Variants in FSIP2 observed in about 807,000 individuals in gnomAD.
The protein encoded by FSIP2 is fibrous sheath-interacting protein 2.
FSIP2 carries 367 observed loss-of-function variants against 510.5 expected under a neutral mutation model. That is an observed-to-expected ratio of 0.72 (90% confidence interval 0.66 to 0.78). The LOEUF is 0.78. Ranked by LOEUF, FSIP2 falls within the 30% of genes least tolerant of loss-of-function variation. FSIP2 has a pLI of 0.00. For synonymous variants in FSIP2, 2,601 were observed against 2,732.2 expected (o/e 0.95, Z 1.50); for missense variants, 7,594 against 7,901.7 (o/e 0.96, Z 1.48).
In FSIP2 at chr2:185,789,514, G is replaced by A. The variant is rs1255432424; in HGVS notation, c.2378G>A (p.Ser793Asn). 6.5e-7 allele frequency: 1 copy of A among 1,534,660 alleles called. No homozygotes were observed. Among genetic ancestry groups the A allele is most frequent in the Non-Finnish European group, 8.7e-7 (1 of 1,145,878 alleles). ...GACATTAAACCAAGTTTAGCAGCCA[G>A]TGATGAACTTCTCACATCATCTAAT... ...SVDIKPSLAASDELLTSSNGK... is the reference protein window; with the variant it reads ...SVDIKPSLAANDELLTSSNGK... The change falls in exon 16 of 23, where the codon AGT becomes AAT. Residue 793 changes from serine (S) to asparagine (N), a missense_variant. Ser to Asn is a conservative substitution (Grantham distance 46). Transcript: ENST00000424728.
intron 13 of FSIP2, among the ~76,000 whole-genome samples, chr2:185,768,729 G>A (rs1295545746): frequency 1.3e-5 from 2 of 151,852 alleles, no homozygotes; most frequent in Admixed American, 1.3e-4. Context: ...TCATCACTCT[G>A]GTACTAAGCC....
chr2:185,761,194 G>C, intron 10 of FSIP2, 91 bp downstream of exon 10: 1 of 464,896 alleles, frequency 2.2e-6, no homozygotes, highest in Non-Finnish European at 3.7e-6. Context: ...CAGCAGCATA[G>C]TACTGATTGT....
chr2:185,743,783 CTAAT>C (rs1293665443), intron 3 of FSIP2, among the ~76,000 whole-genome samples: 3 of 152,092 alleles, frequency 2.0e-5, no homozygotes, highest in African/African-American at 7.2e-5. Context: ...ACTGTGATAA[CTAAT>C]TGTGTGCACT....
rs1304781776 is a variant in FSIP2, at chr2:185,790,111, T to C, written c.2975T>C (p.Ile992Thr). ...SPRSGRPFPP[I>T]NVPGMVLYSD... ...AGGTCTGGAAGACCATTTCCACCTATAAATGTTCCAGGCATGGTTCTTTAT... is the reference window on the plus strand; with the variant it reads ...AGGTCTGGAAGACCATTTCCACCTACAAATGTTCCAGGCATGGTTCTTTAT... The change falls in exon 16 of 23, where the codon ATA becomes ACA. Residue 992 changes from isoleucine (I) to threonine (T), a missense_variant. Transcript: ENST00000424728. 10 of 1,533,790 alleles carry C rather than the reference T, an allele frequency of 6.5e-6. No individual in the cohort carries two copies. The highest frequency in any genetic ancestry group is 8.7e-6 in the Non-Finnish European group (10 of 1,145,410).
Position 185,800,456 on chromosome 2 carries a change from T to G in FSIP2, c.11150T>G (p.Met3717Arg), listed in dbSNP as rs1211746294. The G allele has an allele frequency of 6.5e-7, 1 of 1,532,132 alleles. No homozygotes were observed. The highest frequency in any genetic ancestry group is 8.7e-7 in the Non-Finnish European group (1 of 1,144,518). The allele number at this position is 1,532,132 out of a possible 1,614,324, so 94.9% of individuals were successfully genotyped here. ...FSPDECLDTGMDSGKIQRTYF... is the reference protein window; with the variant it reads ...FSPDECLDTGRDSGKIQRTYF... ...CCAGATGAATGCCTAGATACGGGTA[T>G]GGATTCTGGTAAAATACAAAGAACA... The change falls in exon 17 of 23, where the codon ATG (methionine) becomes AGG (arginine). Residue 3717 changes from methionine (M) to arginine (R), a missense_variant. By Grantham distance (91) the Met-to-Arg change is moderately conservative (BLOSUM62 -1). Transcript: ENST00000424728.
In FSIP2 at chr2:185,791,955, A is replaced by G; in HGVS notation, c.4819A>G (p.Ile1607Val). Residue 1607 changes from isoleucine (I) to valine (V), a missense_variant, in exon 16 of 23, where the codon ATT (isoleucine) becomes GTT (valine). Physicochemically the swap from Ile to Val is conservative, Grantham distance 29. Coordinates refer to ENST00000424728, the MANE Select transcript of FSIP2 (RefSeq NM_173651.4). ...CGGACATTTAGAAATTTTGGGTGCT[A>G]TTAATGATGGAAATAAGAAAAGCAA... ...ANGHLEILGA[I>V]NDGNKKSNKI... The G allele has an allele frequency of 6.5e-7, 1 of 1,533,816 alleles. No individual in the cohort carries two copies. The highest frequency in any genetic ancestry group is 8.7e-7 in the Non-Finnish European group (1 of 1,145,266).
Position 185,795,266 on chromosome 2 carries a change from C to T in FSIP2, c.8130C>T (p.Ala2710=), listed in dbSNP as rs1227839166. 1 of 1,535,130 alleles carries T rather than the reference C, an allele frequency of 6.5e-7. No homozygotes were observed. Among genetic ancestry groups the T allele is most frequent in the East Asian group, 2.4e-5 (1 of 40,854 alleles). Residue 2710 remains alanine, a synonymous_variant, in exon 16 of 23, where the codon GCC becomes GCT. Transcript: ENST00000424728. The part of the protein sequence containing the change: ...KTLKDSRSKT[A]IGLSHIMSAG... ...TAAAAGACAGCAGATCCAAGACTGC[C>T]ATTGGGTTGTCACACATCATGTCAG...
In FSIP2 at chr2:185,745,528, A is replaced by C. The variant is rs1405326797; in HGVS notation, c.577A>C (p.Thr193Pro). The change falls in exon 5 of 23, where the codon ACT becomes CCT. Residue 193 changes from threonine (T) to proline (P), a missense_variant. Physicochemically the swap from Thr to Pro is conservative, Grantham distance 38 (BLOSUM62 -1). Transcript: ENST00000424728. Reference sequence around the variant, plus strand: ...CCAAAACTGGTTGTTAAAGGAGGGCACTGAATCTATTAAGGACCAGGAGCG... The same window carrying C: ...CCAAAACTGGTTGTTAAAGGAGGGCCCTGAATCTATTAAGGACCAGGAGCG... ...QVQNWLLKEGTESIKDQERLM... is the reference protein window; with the variant it reads ...QVQNWLLKEGPESIKDQERLM... 1.3e-5 allele frequency: 20 copies of C among 1,535,762 alleles called. No individual in the cohort carries two copies. The East Asian group carries it at 4.6e-4, about 36-fold the overall frequency.
rs1264686845 is a variant in FSIP2 at position 185,792,689 on chromosome 2, T to C, written c.5553T>C (p.Phe1851=). The change falls in exon 16 of 23, where the codon TTT becomes TTC. Residue 1851 remains phenylalanine (F), a synonymous_variant. Coordinates refer to ENST00000424728, the MANE Select transcript of FSIP2 (RefSeq NM_173651.4). The part of the protein sequence containing the change: ...IVTDNIVRTV[F]HKLYSAAMTE... ...CAGATAATATTGTTAGGACTGTATT[T>C]CACAAACTTTATTCAGCTGCCATGA... 6.5e-7 allele frequency: 1 copy of C among 1,533,804 alleles called. No homozygotes were observed. The highest frequency in any genetic ancestry group is 2.0e-5 in the Admixed American group (1 of 50,848).
intron 13 of FSIP2, among the ~76,000 whole-genome samples, chr2:185,777,076 G>A (rs1177158611): frequency 6.6e-6 from 1 of 152,098 alleles, no homozygotes; most frequent in Non-Finnish European, 1.5e-5. Flanking sequence ...CTCTGTTGCA[G>A]CTACTCACTC....
rs1193293367 is a variant in FSIP2, at chr2:185,790,781, A to G, written c.3645A>G (p.Pro1215=). The G allele has an allele frequency of 6.5e-7, 1 of 1,532,166 alleles. No homozygotes were observed. Among genetic ancestry groups the G allele is most frequent in the East Asian group, 2.4e-5 (1 of 40,842 alleles). The allele number at this position is 1,532,166 out of a possible 1,614,324, so 94.9% of individuals were successfully genotyped here. Residue 1215 remains proline (P), a synonymous_variant, in exon 16 of 23, where the codon CCA becomes CCG. Coordinates refer to ENST00000424728, the MANE Select transcript of FSIP2 (RefSeq NM_173651.4). ...CTGAACACATAGTCAAAGAAGCACCAAATAAATACCCATTAAAAACATGGT... is the reference window on the plus strand; with the variant it reads ...CTGAACACATAGTCAAAGAAGCACCGAATAAATACCCATTAAAAACATGGT... ...SDTEHIVKEA[P]NKYPLKTWFD... is the part of the protein sequence containing the mutation.
rs570073242 is a variant in FSIP2 at position 185,782,679 on chromosome 2, T to C, written c.1412-26T>C. ...AGTTGCTGAGGATGGATACAAACTA[T>C]GTAATTTTATTTTTCTGATAAATAG... On this transcript the variant is annotated intron_variant, in intron 13 of 22. Transcript: ENST00000424728. The C allele has an allele frequency of 1.4e-5, 19 of 1,400,594 alleles. No homozygotes were observed. In the African/African-American group the frequency reaches 1.8e-4, roughly 14 times the overall value. The allele number at this position is 1,400,594 out of a possible 1,614,324, so 86.8% of individuals were successfully genotyped here. A position where few individuals can be genotyped will look rare whatever the true frequency, so the allele number is the denominator to read the frequency against.
chr2:185,761,031 T>C lies in FSIP2; in HGVS notation c.1122T>C (p.Asn374=). 1.3e-6 allele frequency: 2 copies of C among 1,509,106 alleles called. No individual in the cohort carries two copies. Among genetic ancestry groups the C allele is most frequent in the Non-Finnish European group, 1.8e-6 (2 of 1,127,296 alleles). The allele number at this position is 1,509,106 out of a possible 1,614,324, so 93.5% of individuals were successfully genotyped here. Residue 374 remains asparagine (N), a synonymous_variant, in exon 10 of 23, where the codon AAT becomes AAC. Transcript: ENST00000424728. ...NAAHQRQNSS[N]NFTKKNSASV... ...CTCATCAGCGTCAAAATAGTTCAAA[T>C]AATTTTACGAAAAAAAACTCAGCTT... is the stretch of plus-strand genomic sequence containing the variant.
At position 185,789,611 on chromosome 2, in the gene FSIP2, T is replaced by G. The variant is rs1693071405; in HGVS notation, c.2475T>G (p.His825Gln). The G allele has an allele frequency of 6.5e-7, 1 of 1,534,722 alleles. No individual in the cohort carries two copies. Among genetic ancestry groups the G allele is most frequent in the Admixed American group, 2.0e-5 (1 of 50,858 alleles). ...GTGATATTGCAGAGGACATGGTGCA[T>G]GCCATTTTAGAAAAGCTAATGACTC... The part of the protein sequence containing the change: ...PMCDIAEDMV[H>Q]AILEKLMTLV... The change falls in exon 16 of 23, where the codon CAT becomes CAG. Residue 825 changes from histidine (H) to glutamine (Q), a missense_variant. His to Gln is a conservative substitution (Grantham distance 24). Coordinates refer to ENST00000424728, the MANE Select transcript of FSIP2 (RefSeq NM_173651.4).
rs1161475285 is a variant in FSIP2, at chr2:185,801,551, G to A, written c.12245G>A (p.Gly4082Asp). The change falls in exon 17 of 23, where the codon GGC becomes GAC. Residue 4082 changes from glycine to aspartate, a missense_variant. Transcript: ENST00000424728. Reference sequence around the variant, plus strand: ...TCAATAGCAGAACAAATAACAAATGGCATATTGTTAGAGATTTTAGACTAC... The same window carrying A: ...TCAATAGCAGAACAAATAACAAATGACATATTGTTAGAGATTTTAGACTAC... The part of the protein sequence containing the change: ...NASIAEQITN[G>D]ILLEILDYKL... 1 of 1,534,008 alleles carries A rather than the reference G, an allele frequency of 6.5e-7. No homozygotes were observed. Among genetic ancestry groups the A allele is most frequent in the Non-Finnish European group, 8.7e-7 (1 of 1,145,556 alleles).
At chr2:185,816,553 G>C (rs960031617) in intron 19 of FSIP2, among the ~76,000 whole-genome samples, 1 of 151,724 alleles carries the variant, frequency 6.6e-6, no homozygotes, top group African/African-American at 2.4e-5. Context: ...TCAAGAAAAA[G>C]CTGGCTGCTC....
At position 185,751,217 on chromosome 2, in the gene FSIP2, G is replaced by A. The variant is rs568922469; in HGVS notation, c.871-2505G>A. Among the ~76,000 whole-genome samples, 256 of 151,506 alleles carry A rather than the reference G, an allele frequency of 1.7e-3. 1 individual carries two copies. Among genetic ancestry groups the A allele is most frequent in the African/African-American group, 5.7e-3 (236 of 41,412 alleles). The stretch of plus-strand genomic sequence containing the variant: ...CTGACTATATTTTTGGATTTGTCTA[G>A]TATCTCAGTTTTTGTTTTATTTGAA... On this transcript the variant is annotated intron_variant, in intron 7 of 22. Coordinates refer to ENST00000424728, the MANE Select transcript of FSIP2 (RefSeq NM_173651.4).
At chr2:185,828,667 T>C (rs1694056203) in intron 21 of FSIP2, among the ~76,000 whole-genome samples, 1 of 151,874 alleles carries the variant, frequency 6.6e-6, no homozygotes, top group South Asian at 2.1e-4. Flanking sequence ...TCCTAAACAT[T>C]ACTTCTTTAC....
chr2:185,800,653 A>G lies in FSIP2; in HGVS notation c.11347A>G (p.Thr3783Ala). Residue 3783 changes from threonine to alanine, a missense_variant, in exon 17 of 23, where the codon ACA becomes GCA. Coordinates refer to ENST00000424728, the MANE Select transcript of FSIP2 (RefSeq NM_173651.4). ...TGATAAAGGGTCTGTTTCAGAGGAA[A>G]CATCAGCAGAAGAATGTCAACTTTT... The part of the protein sequence containing the change: ...FPDKGSVSEE[T>A]SAEECQLLKM... 1 of 1,534,158 alleles carries G rather than the reference A, an allele frequency of 6.5e-7. No homozygotes were observed. The highest frequency in any genetic ancestry group is 8.7e-7 in the Non-Finnish European group (1 of 1,145,654).
Sources: gnomAD v4.1 joint callset for allele counts (sites outside exome capture counted in the v4.1 genomes callset) on GRCh38, gnomAD v4.1.1 for gene constraint, MANE v1.5 for transcripts, NCBI Gene and HGNC (gene_info 2026-07-23, HGNC 2026-07-21) for gene names.